Variants in PLD5 observed in about 807,000 individuals in gnomAD.
PLD5 encodes inactive phospholipase D5.
Under a neutral mutation model 61.1 loss-of-function variants are expected in PLD5, and 36 were observed. That is an observed-to-expected ratio of 0.59 (90% CI 0.45 to 0.78). The LOEUF (loss-of-function observed/expected upper bound fraction) is 0.78, where lower values mean the gene tolerates loss of function less well. PLD5 is among the 30% of genes least tolerant of loss of function. PLD5 has a pLI of 0.00. For missense variants in PLD5, 515 were observed against 644.4 expected (o/e 0.80, Z 2.17); for synonymous variants, 243 against 242.8 (o/e 1.00, Z -0.01).
intron 1 of PLD5, among the ~76,000 whole-genome samples, chr1:242,404,681 A>G (rs1008544389): frequency 6.7e-6 from 1 of 149,738 alleles, no homozygotes; most frequent in Non-Finnish European, 1.5e-5. Context: ...ACTCTCACAC[A>G]CACTTTGTTT....
intron 4 of PLD5, among the ~76,000 whole-genome samples, chr1:242,251,520 G>T (rs1264721058): frequency 6.6e-6 from 1 of 152,190 alleles, no homozygotes; most frequent in Non-Finnish European, 1.5e-5. Flanking sequence ...AGTCCTCCGG[G>T]ACTTTGACAA....
At chr1:242,173,129 T>A (rs369350199) in intron 5 of PLD5, among the ~76,000 whole-genome samples, 1 of 152,160 alleles carries the variant, frequency 6.6e-6, no homozygotes, top group Non-Finnish European at 1.5e-5. Flanking sequence ...TGTTTGCAGA[T>A]GACATGATTG....
chr1:242,091,637 T>C (rs1323016130), intron 9 of PLD5, among the ~76,000 whole-genome samples: 5 of 152,170 alleles, frequency 3.3e-5, no homozygotes, highest in Non-Finnish European at 5.9e-5. Context: ...AAGAATGTTT[T>C]CTTTAAATCG....
intron 1 of PLD5, among the ~76,000 whole-genome samples, chr1:242,494,878 C>CTTTTTTTTTTTTTTT (rs556893161): frequency 7.4e-6 from 1 of 135,886 alleles, no homozygotes; most frequent in African/African-American, 2.8e-5. Flanking sequence ...TTTTTCTTTT[C>CTTTTTTTTTTTTTTT]TGTTTTTTTT....
chr1:242,455,038 A>C (rs1287470656), intron 1 of PLD5, among the ~76,000 whole-genome samples: 1 of 152,208 alleles, frequency 6.6e-6, no homozygotes, highest in Non-Finnish European at 1.5e-5. Flanking sequence ...TCACCTGTTA[A>C]AAATACGGGC....
At chr1:242,407,561 G>GTTTTTTTT (rs58679212) in intron 1 of PLD5, among the ~76,000 whole-genome samples, 2 of 130,324 alleles carry the variant, frequency 1.5e-5, no homozygotes, top group Non-Finnish European at 1.6e-5. Context: ...TGGTTGTTTT[G>GTTTTTTTT]TTTTTTTTTT....
At chr1:242,161,339 C>G (rs1050843034) in intron 5 of PLD5, among the ~76,000 whole-genome samples, 7 of 151,974 alleles carry the variant, frequency 4.6e-5, no homozygotes, top group African/African-American at 1.7e-4. Context: ...TTATTCACTA[C>G]CATGAGAACA....
At chr1:242,207,293 C>G (rs186405421) in intron 5 of PLD5, among the ~76,000 whole-genome samples, 1 of 152,126 alleles carries the variant, frequency 6.6e-6, no homozygotes, top group Non-Finnish European at 1.5e-5. Context: ...GCCATCAGCC[C>G]GCTCCCCGCT....
rs947096350 is a variant in PLD5 at position 242,087,459 on chromosome 1, G to C, written c.*2395C>G. 2.6e-5 allele frequency: 4 copies of C among 152,118 alleles called. No homozygotes were observed. The highest frequency in any genetic ancestry group is 5.9e-5 in the Non-Finnish European group (4 of 68,050). 9.4% of individuals were successfully genotyped at this position (152,118 alleles called of 1,614,324 possible). A position where few individuals can be genotyped will look rare whatever the true frequency, so the allele number is the denominator to read the frequency against. On this transcript the variant is annotated 3_prime_UTR_variant, in exon 10 of 10. Coordinates refer to ENST00000536534, the MANE Select transcript of PLD5 (RefSeq NM_001372062.1). ...ATGGCTGTGGATGAATACTTCAGGG[G>C]ACAACTTGAGAACTAACAAATTTTA...
intron 2 of PLD5, among the ~76,000 whole-genome samples, chr1:242,305,074 C>T (rs968916900): frequency 2.0e-5 from 3 of 152,054 alleles, no homozygotes; most frequent in Non-Finnish European, 2.9e-5. Flanking sequence ...CAACTATACC[C>T]CAGCCTAGGC....
chr1:242,413,868 G>A (rs771592876), intron 1 of PLD5, among the ~76,000 whole-genome samples: 10 of 152,148 alleles, frequency 6.6e-5, no homozygotes, highest in Non-Finnish European at 1.2e-4. Flanking sequence ...GAGGGACAAA[G>A]GGCAGAGAAT....
chr1:242,246,475 G>A (rs1173989639), intron 4 of PLD5, among the ~76,000 whole-genome samples: 2 of 63,880 alleles, frequency 3.1e-5, no homozygotes, highest in Non-Finnish European at 3.4e-5. Flanking sequence ...GCATAGAAAA[G>A]ACAACACACA....
intron 1 of PLD5, among the ~76,000 whole-genome samples, chr1:242,448,898 T>C (rs569166761): frequency 5.3e-4 from 80 of 152,270 alleles, no homozygotes; most frequent in African/African-American, 1.6e-3. Context: ...CAGTAAACAG[T>C]GAAGCTCACA....
At chr1:242,459,240 T>C (rs1350333451) in intron 1 of PLD5, among the ~76,000 whole-genome samples, 1 of 152,228 alleles carries the variant, frequency 6.6e-6, no homozygotes, top group African/African-American at 2.4e-5. Context: ...TGGGAATCAG[T>C]AAAACGCCAT....
At chr1:242,232,894 C>CCT (rs1368935303) in intron 4 of PLD5, among the ~76,000 whole-genome samples, 1 of 151,824 alleles carries the variant, frequency 6.6e-6, no homozygotes, top group Non-Finnish European at 1.5e-5. Flanking sequence ...GTGGCTCACA[C>CCT]CTGTAATCCC....
chr1:242,193,743 T>C (rs989056306), intron 5 of PLD5, among the ~76,000 whole-genome samples: 8 of 152,190 alleles, frequency 5.3e-5, no homozygotes, highest in Admixed American at 2.6e-4. Context: ...GGGCTGGCCA[T>C]TCAGTGTTCC....
chr1:242,151,557 A>AT (rs756144263), intron 5 of PLD5, among the ~76,000 whole-genome samples: 2 of 151,918 alleles, frequency 1.3e-5, no homozygotes, highest in Non-Finnish European at 2.9e-5. Context: ...TATGTAATAT[A>AT]TTTTTTCAGT....
In PLD5 at chr1:242,108,353, C is replaced by G. The variant is rs139569039; in HGVS notation, c.1071-514G>C. 1.4e-3 allele frequency among the ~76,000 whole-genome samples: 218 copies of G among 152,296 alleles called. 1 individual carries two copies. The highest frequency in any genetic ancestry group is 5.1e-3 in the African/African-American group (212 of 41,558). On this transcript the variant is annotated intron_variant, in intron 7 of 9. Coordinates refer to ENST00000536534, the MANE Select transcript of PLD5 (RefSeq NM_001372062.1). ...TCTCCTTACCAAGCCTCCCATGTCTCCCCTGCCTTCCACGTTTTCTGCAGG... is the reference window on the plus strand; with the variant it reads ...TCTCCTTACCAAGCCTCCCATGTCTGCCCTGCCTTCCACGTTTTCTGCAGG...
intron 1 of PLD5, among the ~76,000 whole-genome samples, chr1:242,411,192 C>T (rs1664530118): frequency 6.6e-6 from 1 of 152,242 alleles, no homozygotes; most frequent in African/African-American, 2.4e-5. Context: ...TCTCTCTCTA[C>T]AAATCCCTGA....
Sources: gnomAD v4.1 joint callset for allele counts (sites outside exome capture counted in the v4.1 genomes callset) on GRCh38, gnomAD v4.1.1 for gene constraint, MANE v1.5 for transcripts, NCBI Gene and HGNC (gene_info 2026-07-23, HGNC 2026-07-21) for gene names.